The following MATN2 variants were observed in gnomAD, a reference collection of about 807,000 sequenced individuals.
MATN2 encodes the protein matrilin-2.
A neutral mutation model predicts 103.2 loss-of-function variants in MATN2; 69 were observed. The observed-to-expected ratio is 0.67, with a 90% CI of 0.55 to 0.82. The LOEUF (loss-of-function observed/expected upper bound fraction) is 0.82, where lower values mean the gene tolerates loss of function less well. MATN2 is among the 40% of genes least tolerant of loss of function. MATN2 has a pLI of 0.00. For synonymous variants in MATN2, 429 were observed against 450.2 expected (o/e 0.95, Z 0.60); for missense variants, 1,023 against 1,211.5 (o/e 0.84, Z 2.31).
chr8:98,014,809 G>A (rs1203285751), intron 10 of MATN2, among the ~76,000 whole-genome samples: 1 of 152,148 alleles, frequency 6.6e-6, no homozygotes, highest in Non-Finnish European at 1.5e-5. Context: ...GAGAGATACT[G>A]CAAAGATGCT....
In MATN2 at chr8:97,888,304, G is replaced by A. The variant is rs1739024105; in HGVS notation, c.142+62G>A. The A allele has an allele frequency of 2.8e-6, 4 of 1,403,648 alleles. No individual in the cohort carries two copies. The South Asian group carries it at 5.0e-5, about 17-fold the overall frequency. 86.9% of individuals were successfully genotyped at this position (1,403,648 alleles called of 1,614,324 possible). A position where few individuals can be genotyped will look rare whatever the true frequency, so the allele number is the denominator to read the frequency against. ...GGGGGTGGTTTGGGGAGGGCTCAGG[G>A]ACAGGGATTGGTGACTGTTTGAGAA... On this transcript the variant is annotated intron_variant, in intron 2 of 18. Coordinates refer to ENST00000254898, the MANE Select transcript of MATN2 (RefSeq NM_002380.5).
chr8:97,877,650 A>C (rs1181797659), intron 1 of MATN2, among the ~76,000 whole-genome samples: 1 of 151,968 alleles, frequency 6.6e-6, no homozygotes, highest in Non-Finnish European at 1.5e-5. Flanking sequence ...GTGACTACCT[A>C]CCCATATCTC....
At chr8:97,958,838 G>A (rs771093984) in intron 4 of MATN2, among the ~76,000 whole-genome samples, 4 of 152,176 alleles carry the variant, frequency 2.6e-5, no homozygotes, top group Admixed American at 6.5e-5. Context: ...TTCAGCCTAT[G>A]CAGCCTGTGT....
At position 98,003,794 on chromosome 8, in the gene MATN2, C is replaced by T. The variant is rs376864065; in HGVS notation, c.1327+11C>T. The T allele has an allele frequency of 1.7e-5, 28 of 1,613,436 alleles. No homozygotes were observed. In the African/African-American group the frequency reaches 2.8e-4, roughly 16 times the overall value. On this transcript the variant is annotated intron_variant, in intron 8 of 18. Coordinates refer to ENST00000254898, the MANE Select transcript of MATN2 (RefSeq NM_002380.5). Reference sequence around the variant, plus strand: ...GCAAAACCTGCAGCCGTGAGTGTACCCTAGGGGTGGGGTGCTGATGGAAGG... The same window carrying T: ...GCAAAACCTGCAGCCGTGAGTGTACTCTAGGGGTGGGGTGCTGATGGAAGG...
Position 98,033,577 on chromosome 8 carries a change from A to T in MATN2, c.2733A>T (p.Glu911Asp), listed in dbSNP as rs777484871. The T allele has an allele frequency of 1.0e-5, 16 of 1,594,786 alleles. No homozygotes were observed. The East Asian group carries it at 3.4e-4, about 34-fold the overall frequency. Residue 911 changes from glutamate (E) to aspartate (D), a missense_variant, in exon 18 of 19, where the codon GAA (glutamate) becomes GAT (aspartate). Transcript: ENST00000254898. ...CTTTCTCAGGAAGCCCTTTGGAAGAAAAACACGATCAATGCAAATGTGAAA... is the reference window on the plus strand; with the variant it reads ...CTTTCTCAGGAAGCCCTTTGGAAGATAAACACGATCAATGCAAATGTGAAA... The part of the protein sequence containing the change: ...STKPSGSPLE[E>D]KHDQCKCENL...
intron 5 of MATN2, among the ~76,000 whole-genome samples, chr8:97,967,337 C>G (rs1391717929): frequency 1.3e-5 from 2 of 152,004 alleles, no homozygotes; most frequent in African/African-American, 4.8e-5. Flanking sequence ...CAATAGTTCC[C>G]CAAAGTCTTA....
chr8:97,941,672 G>A, intron 3 of MATN2, 105 bp from the exon 4 acceptor site: 1 of 1,324,426 alleles, frequency 7.6e-7, no homozygotes, highest in East Asian at 2.7e-5. Flanking sequence ...ATTTCTCTGA[G>A]TCCTGCCCAG....
intron 2 of MATN2, among the ~76,000 whole-genome samples, chr8:97,900,791 C>T (rs527614361): frequency 1.3e-5 from 2 of 152,170 alleles, no homozygotes; most frequent in East Asian, 1.9e-4. Flanking sequence ...AAAAATTAGA[C>T]GGGTGTGGTG....
intron 5 of MATN2, among the ~76,000 whole-genome samples, chr8:97,972,097 G>A (rs775825177): frequency 6.6e-6 from 1 of 151,968 alleles, no homozygotes; most frequent in Non-Finnish European, 1.5e-5. Flanking sequence ...TCAGGAGGCT[G>A]AGGTGGGAGA....
intron 15 of MATN2, among the ~76,000 whole-genome samples, chr8:98,031,241 G>A (rs1366661038): frequency 6.6e-6 from 1 of 152,104 alleles, no homozygotes; most frequent in East Asian, 1.9e-4. Context: ...GGGAGACTGA[G>A]CGGGGAGGAT....
At chr8:97,895,916 G>A (rs1173187693) in intron 2 of MATN2, among the ~76,000 whole-genome samples, 1 of 152,216 alleles carries the variant, frequency 6.6e-6, no homozygotes, top group Non-Finnish European at 1.5e-5. Context: ...GCCCCTTTAT[G>A]GAAAGGATGC....
intron 4 of MATN2, among the ~76,000 whole-genome samples, chr8:97,946,496 TA>T (rs1205981529): frequency 2.0e-5 from 3 of 151,930 alleles, no homozygotes; most frequent in Non-Finnish European, 4.4e-5. Context: ...TTTTCCCATT[TA>T]AAAAAAATGG....
chr8:97,869,272 G>T lies in MATN2; in HGVS notation c.-42G>T, dbSNP rs1817811801. On this transcript the variant is annotated 5_prime_UTR_variant, in exon 1 of 19. Coordinates refer to ENST00000254898, the MANE Select transcript of MATN2 (RefSeq NM_002380.5). ...GCTGCGCCCCTGCCTCGCTTCCCAG[G>T]CGCCGGCGGCTGCAGGTGAGCGCGG... is the stretch of plus-strand genomic sequence containing the variant. 1 of 152,238 alleles carries T rather than the reference G, an allele frequency of 6.6e-6. No homozygotes were observed. The highest frequency in any genetic ancestry group is 1.5e-5 in the Non-Finnish European group (1 of 68,052). 9.4% of individuals were successfully genotyped at this position (152,238 alleles called of 1,614,324 possible).
chr8:98,021,082 A>T, intron 12 of MATN2, 123 bp from the exon 13 acceptor site: 1 of 860,052 alleles, frequency 1.2e-6, no homozygotes, highest in African/African-American at 1.7e-5. Context: ...ATTATGAAGG[A>T]GGTTTGAAGA....
intron 7 of MATN2, among the ~76,000 whole-genome samples, chr8:97,998,886 C>G (rs973056128): frequency 6.6e-6 from 1 of 152,110 alleles, no homozygotes; most frequent in African/African-American, 2.4e-5. Context: ...TTTTAAGTAT[C>G]TAGTCCAGTG....
At chr8:97,893,444 T>C (rs942577370) in intron 2 of MATN2, among the ~76,000 whole-genome samples, 19 of 152,174 alleles carry the variant, frequency 1.2e-4, no homozygotes, top group Admixed American at 1.2e-3. Flanking sequence ...GTGCACACTT[T>C]TTCTCTTTGT....
At chr8:98,010,654 C>T (rs1173346486) in intron 10 of MATN2, among the ~76,000 whole-genome samples, 19 of 152,188 alleles carry the variant, frequency 1.2e-4, no homozygotes, top group Admixed American at 1.2e-3. Flanking sequence ...ACCCATCTGC[C>T]AGGGCCAGGC....
Position 98,018,089 on chromosome 8 carries a change from C to T in MATN2, c.1792C>T (p.Leu598Phe), listed in dbSNP as rs1486142936. 1 of 1,613,904 alleles carries T rather than the reference C, an allele frequency of 6.2e-7. No homozygotes were observed. The highest frequency in any genetic ancestry group is 2.2e-5 in the East Asian group (1 of 44,878). Residue 598 changes from leucine (L) to phenylalanine (F), a missense_variant, in exon 12 of 19, where the codon CTC becomes TTC. Physicochemically the swap from Leu to Phe is conservative, Grantham distance 22. Coordinates refer to ENST00000254898, the MANE Select transcript of MATN2 (RefSeq NM_002380.5). Reference protein sequence around the residue: ...YTCECLEGFRLAEDGKRCRRK... With the variant: ...YTCECLEGFRFAEDGKRCRRK... ...GTGCGAGTGCTTGGAGGGATTCCGG[C>T]TCGCTGAGGATGGGAAACGCTGCCG...
At chr8:97,910,650 C>T (rs1412822863) in intron 2 of MATN2, among the ~76,000 whole-genome samples, 1 of 152,192 alleles carries the variant, frequency 6.6e-6, no homozygotes, top group Non-Finnish European at 1.5e-5. Context: ...AGGTTGTACT[C>T]TTGTATAGTT....
Sources: allele counts gnomAD v4.1 joint callset (sites outside exome capture counted in the v4.1 genomes callset), GRCh38; gene constraint gnomAD v4.1.1; transcripts MANE v1.5; gene names NCBI Gene and HGNC (gene_info 2026-07-23, HGNC 2026-07-21).